Variants in SGCZ observed in about 807,000 individuals in gnomAD.
SGCZ encodes the protein zeta-sarcoglycan.
In SGCZ, 40 loss-of-function variants were observed where a neutral mutation model predicts 41.3. The observed-to-expected ratio is 0.97, with a 90% CI of 0.75 to 1.26. The LOEUF (loss-of-function observed/expected upper bound fraction) is 1.26. Among genes scored for constraint, SGCZ ranks in the 50% most tolerant of loss-of-function variants. The pLI is 0.00. For missense variants in SGCZ, 552 were observed against 369.8 expected, an observed-to-expected ratio of 1.49 and a Z score of -4.04; for synonymous variants, 206 against 137.5, an observed-to-expected ratio of 1.50 and a Z score of -3.49.
intron 1 of SGCZ, among the ~76,000 whole-genome samples, chr8:14,742,445 A>G (rs1344205778): frequency 6.6e-6 from 1 of 152,100 alleles, no homozygotes; most frequent in Non-Finnish European, 1.5e-5. Flanking sequence ...AATATGGAGG[A>G]AAATTTAAGC....
At chr8:15,121,729 G>A (rs1309204843) in intron 1 of SGCZ, among the ~76,000 whole-genome samples, 1 of 152,034 alleles carries the variant, frequency 6.6e-6, no homozygotes, top group Non-Finnish European at 1.5e-5. Flanking sequence ...ACAGGAGGCT[G>A]GCAGGACAAA....
chr8:15,095,841 T>C (rs1419828505), intron 1 of SGCZ, among the ~76,000 whole-genome samples: 5 of 152,172 alleles, frequency 3.3e-5, no homozygotes, highest in South Asian at 2.1e-4. Flanking sequence ...CAACAAGTTA[T>C]GTTCCCGGTA....
chr8:14,620,418 C>T (rs1368304107), intron 1 of SGCZ, among the ~76,000 whole-genome samples: 2 of 152,114 alleles, frequency 1.3e-5, no homozygotes, highest in Non-Finnish European at 2.9e-5. Flanking sequence ...GCAATGGCAA[C>T]AAAAGCCAAA....
intron 1 of SGCZ, among the ~76,000 whole-genome samples, chr8:14,565,336 A>C (rs567084291): frequency 6.6e-6 from 1 of 151,554 alleles, no homozygotes; most frequent in East Asian, 1.9e-4. Flanking sequence ...ACATTTATTT[A>C]GGCACAGGTT....
intron 4 of SGCZ, among the ~76,000 whole-genome samples, chr8:14,228,737 A>G (rs556414806): frequency 2.0e-5 from 3 of 152,176 alleles, no homozygotes; most frequent in African/African-American, 7.2e-5. Context: ...ACTTTATCCT[A>G]TCACCCTCAT....
At chr8:14,996,084 T>C (rs1033709816) in intron 1 of SGCZ, among the ~76,000 whole-genome samples, 9 of 152,012 alleles carry the variant, frequency 5.9e-5, no homozygotes, top group Non-Finnish European at 1.3e-4. Flanking sequence ...TTTGTGTTTT[T>C]AGTAGAGACG....
intron 1 of SGCZ, among the ~76,000 whole-genome samples, chr8:15,049,222 C>T (rs2130990442): frequency 6.6e-6 from 1 of 152,156 alleles, no homozygotes; most frequent in Non-Finnish European, 1.5e-5. Flanking sequence ...GGCCTTTGGG[C>T]TAAGTAGGTT....
chr8:15,006,840 T>C (rs1346256750), intron 1 of SGCZ, among the ~76,000 whole-genome samples: 1 of 152,194 alleles, frequency 6.6e-6, no homozygotes, highest in Non-Finnish European at 1.5e-5. Flanking sequence ...AACCATACTA[T>C]CAGGGGATTT....
chr8:14,190,308 C>G (rs762411053), intron 4 of SGCZ, among the ~76,000 whole-genome samples: 4 of 151,752 alleles, frequency 2.6e-5, no homozygotes, highest in Non-Finnish European at 4.4e-5. Context: ...CACAGCACCC[C>G]GCCAGCGGAA....
chr8:14,135,505 T>C (rs780732986), intron 5 of SGCZ, among the ~76,000 whole-genome samples: 2 of 152,250 alleles, frequency 1.3e-5, no homozygotes, highest in Non-Finnish European at 2.9e-5. Context: ...TGAGTAGTCA[T>C]GGGCATAGAT....
At chr8:15,038,724 A>G (rs1278875413) in intron 1 of SGCZ, among the ~76,000 whole-genome samples, 2 of 151,512 alleles carry the variant, frequency 1.3e-5, no homozygotes, top group Non-Finnish European at 2.9e-5. Flanking sequence ...TAAGGAGTTA[A>G]TATCCGAAAT....
chr8:14,379,612 C>T (rs1043461844), intron 2 of SGCZ, among the ~76,000 whole-genome samples: 1 of 152,028 alleles, frequency 6.6e-6, no homozygotes, highest in Admixed American at 6.5e-5. Context: ...TAGACACAGT[C>T]AACCGATACT....
chr8:14,242,591 G>C (rs1244584193), intron 3 of SGCZ, among the ~76,000 whole-genome samples: 1 of 152,086 alleles, frequency 6.6e-6, no homozygotes, highest in Admixed American at 6.6e-5. Flanking sequence ...ACAGATCAGA[G>C]CCTCCCTCTG....
chr8:15,079,599 G>C (rs1805667641), intron 1 of SGCZ, among the ~76,000 whole-genome samples: 1 of 152,122 alleles, frequency 6.6e-6, no homozygotes, highest in East Asian at 1.9e-4. Flanking sequence ...ATATATGTTT[G>C]GTGCATTCAT....
At chr8:14,349,295 A>G (rs909439283) in intron 2 of SGCZ, among the ~76,000 whole-genome samples, 4 of 152,036 alleles carry the variant, frequency 2.6e-5, no homozygotes, top group Non-Finnish European at 5.9e-5. Flanking sequence ...TCACCTATAA[A>G]CTATGTGATA....
chr8:14,903,603 GA>G (rs1222552164), intron 1 of SGCZ, among the ~76,000 whole-genome samples: 1 of 152,044 alleles, frequency 6.6e-6, no homozygotes, highest in Non-Finnish European at 1.5e-5. Context: ...GAAAAAATTA[GA>G]AAAGTTTCAG....
intron 4 of SGCZ, among the ~76,000 whole-genome samples, chr8:14,181,448 G>C (rs1010788737): frequency 6.6e-6 from 1 of 152,150 alleles, no homozygotes; most frequent in Non-Finnish European, 1.5e-5. Flanking sequence ...CCAGAGGTAG[G>C]TGGGCATCCC....
At position 14,470,762 on chromosome 8, in the gene SGCZ, T is replaced by C. The variant is rs369043829; in HGVS notation, c.234+83970A>G. On this transcript the variant is annotated intron_variant, in intron 2 of 7. Coordinates refer to ENST00000382080, the MANE Select transcript of SGCZ (RefSeq NM_139167.4). The stretch of plus-strand genomic sequence containing the variant: ...AAGTGCCAAATGTATGAAATCACTC[T>C]CTTGGAAAGACCTCAAAAGAAAGTC... Among the ~76,000 whole-genome samples, 15 of 152,310 alleles carry C rather than the reference T, an allele frequency of 9.8e-5. No individual in the cohort carries two copies. In the East Asian group the frequency reaches 2.3e-3, roughly 24 times the overall value.
At chr8:15,092,456 T>A (rs1491002301) in intron 1 of SGCZ, among the ~76,000 whole-genome samples, 1 of 152,204 alleles carries the variant, frequency 6.6e-6, no homozygotes, top group East Asian at 1.9e-4. Context: ...GTGGGAAAAA[T>A]TTTAACAACA....
Sources: gnomAD v4.1 joint callset for allele counts (sites outside exome capture counted in the v4.1 genomes callset) on GRCh38, gnomAD v4.1.1 for gene constraint, MANE v1.5 for transcripts, NCBI Gene and HGNC (gene_info 2026-07-23, HGNC 2026-07-21) for gene names.